Variants in TMPRSS11F observed in about 807,000 individuals in gnomAD.
TMPRSS11F encodes the protein transmembrane serine protease 11F, also known as transmembrane protease serine 11F.
A neutral mutation model predicts 60.2 loss-of-function variants in TMPRSS11F; 47 were observed. The ratio of observed to expected loss-of-function variants is 0.78; its 90% confidence interval spans 0.62 to 1.00. The LOEUF is 1.00. TMPRSS11F is among the 50% of genes least tolerant of loss of function. TMPRSS11F has a pLI of 0.00. For missense variants in TMPRSS11F, 519 were observed against 522.9 expected, an observed-to-expected ratio of 0.99 and a Z score of 0.07; for synonymous variants, 166 against 167.3, an observed-to-expected ratio of 0.99 and a Z score of 0.06.
intron 7 of TMPRSS11F, among the ~76,000 whole-genome samples, chr4:68,066,759 C>G (rs565064063): frequency 1.3e-5 from 2 of 152,076 alleles, no homozygotes; most frequent in East Asian, 3.9e-4. Flanking sequence ...CACGGTGAAA[C>G]CCTGTCACTA....
intron 8 of TMPRSS11F, chr4:68,062,983 A>G (rs1560392618): frequency 2.8e-6 from 2 of 704,292 alleles, no homozygotes; most frequent in Non-Finnish European, 5.4e-6. Context: ...CGAGAGACTG[A>G]CATGCGGATG....
At chr4:68,092,273 G>A (rs7663300) in intron 2 of TMPRSS11F, among the ~76,000 whole-genome samples, 63,955 of 151,806 alleles carry the variant, frequency 0.42, 14,262 homozygotes, top group Non-Finnish European at 0.52. Flanking sequence ...ACAAGAGGAT[G>A]AAAATCTGTA....
chr4:68,079,894 T>C (rs1388179636), intron 3 of TMPRSS11F, among the ~76,000 whole-genome samples: 2 of 152,206 alleles, frequency 1.3e-5, no homozygotes, highest in African/African-American at 4.8e-5. Context: ...GGTACTGTTT[T>C]TGGCAAGTCT....
At chr4:68,118,594 C>A (rs189925385) in intron 1 of TMPRSS11F, among the ~76,000 whole-genome samples, 2 of 152,246 alleles carry the variant, frequency 1.3e-5, no homozygotes, top group Non-Finnish European at 2.9e-5. Context: ...GTAAGTAATT[C>A]TGAGATTTCT....
intron 8 of TMPRSS11F, among the ~76,000 whole-genome samples, chr4:68,061,656 TA>T (rs767971363): frequency 6.5e-4 from 99 of 151,666 alleles, no homozygotes; most frequent in African/African-American, 2.1e-3. Flanking sequence ...TTTCAGTTTG[TA>T]AAAAAAAATG....
chr4:68,114,450 A>C (rs1577935097), intron 1 of TMPRSS11F, among the ~76,000 whole-genome samples: 1 of 152,124 alleles, frequency 6.6e-6, no homozygotes, highest in East Asian at 1.9e-4. Context: ...TATGCCAATA[A>C]ATTTGCTCAT....
At position 68,059,156 on chromosome 4, in the gene TMPRSS11F, G is replaced by A. The variant is rs542184384; in HGVS notation, c.1158+170C>T. On this transcript the variant is annotated intron_variant, in intron 9 of 9. Transcript: ENST00000356291. ...AAAAGTGCTTAATTTTTGGCTTAGC[G>A]TATATTAAACACTCAATACAATTAT... is the stretch of plus-strand genomic sequence containing the variant. Among the ~76,000 whole-genome samples, 12 of 151,434 alleles carry A rather than the reference G, an allele frequency of 7.9e-5. No individual in the cohort carries two copies. In the South Asian group the frequency reaches 1.9e-3, roughly 24 times the overall value.
At chr4:68,062,991 A>C in intron 8 of TMPRSS11F, 1 of 693,758 alleles carries the variant, frequency 1.4e-6, no homozygotes, top group South Asian at 1.4e-5. Context: ...TGACATGCGG[A>C]TGTACTTTCA....
intron 1 of TMPRSS11F, among the ~76,000 whole-genome samples, chr4:68,117,239 G>C (rs371166462): frequency 3.6e-4 from 54 of 152,068 alleles, no homozygotes; most frequent in African/African-American, 1.3e-3. Context: ...AGGCCGAGGG[G>C]GGCGGATCAC....
intron 3 of TMPRSS11F, among the ~76,000 whole-genome samples, chr4:68,082,188 G>A (rs1723709099): frequency 6.6e-6 from 1 of 152,150 alleles, no homozygotes; most frequent in South Asian, 2.1e-4. Context: ...CTAGGGAAGG[G>A]GTGAATGAAG....
intron 3 of TMPRSS11F, among the ~76,000 whole-genome samples, chr4:68,076,117 T>G (rs867822633): frequency 6.6e-6 from 1 of 152,340 alleles, no homozygotes; most frequent in South Asian, 2.1e-4. Flanking sequence ...CCTTTCTTGA[T>G]TTCCATTAAA....
At chr4:68,090,772 A>C in intron 2 of TMPRSS11F, 131 bp from the exon 3 acceptor site, 1 of 1,421,388 alleles carries the variant, frequency 7.0e-7, no homozygotes, top group Non-Finnish European at 9.3e-7. Flanking sequence ...AAATTCTTGA[A>C]GACACTTCTC....
intron 3 of TMPRSS11F, among the ~76,000 whole-genome samples, chr4:68,076,885 T>C (rs1313564754): frequency 6.6e-6 from 1 of 152,168 alleles, no homozygotes; most frequent in Non-Finnish European, 1.5e-5. Context: ...GGTAAATACA[T>C]AGGCAACCAC....
rs774592951 is a variant in TMPRSS11F, at chr4:68,072,400, AT to A, written c.436del (p.Ile146LeufsTer9). The A allele has an allele frequency of 3.1e-6, 5 of 1,600,856 alleles. No homozygotes were observed. In the South Asian group the frequency reaches 3.4e-5, roughly 11 times the overall value. ...TDSAEQIKKK[I>X]EKALYQSLKT... ...CAAACTTTGATATAAAGCCTTTTCAATTTTTTTCTTGATTTGTTCAGCACTA... is the reference window on the plus strand; with the variant it reads ...CAAACTTTGATATAAAGCCTTTTCAATTTTTTCTTGATTTGTTCAGCACTA... On this transcript the variant is annotated frameshift_variant, in exon 5 of 10. Transcript: ENST00000356291. LOFTEE classifies it high-confidence loss of function.
intron 8 of TMPRSS11F, chr4:68,062,652 T>C (rs762176781): frequency 1.1e-4 from 89 of 778,744 alleles, no homozygotes; most frequent in Admixed American, 1.7e-5. Flanking sequence ...CCTAAATAAA[T>C]CCAGCCTATC....
At chr4:68,081,361 A>G (rs1723693520) in intron 3 of TMPRSS11F, among the ~76,000 whole-genome samples, 1 of 152,244 alleles carries the variant, frequency 6.6e-6, no homozygotes, top group African/African-American at 2.4e-5. Context: ...TCCAAAGTGA[A>G]GTCAATGTAT....
chr4:68,129,770 C>T (rs1201952078), intron 1 of TMPRSS11F, 40 bp downstream of exon 1: 1 of 1,605,234 alleles, frequency 6.2e-7, no homozygotes, highest in Admixed American at 1.7e-5. Flanking sequence ...AAACCTCTGT[C>T]CCCACTGATA....
intron 8 of TMPRSS11F, among the ~76,000 whole-genome samples, chr4:68,064,402 G>T (rs1386641589): frequency 2.6e-5 from 4 of 152,016 alleles, no homozygotes; most frequent in Non-Finnish European, 5.9e-5. Flanking sequence ...GGCCAGGTGT[G>T]TCTTGAACTC....
intron 1 of TMPRSS11F, among the ~76,000 whole-genome samples, chr4:68,108,922 T>C (rs1038733080): frequency 6.6e-6 from 1 of 152,192 alleles, no homozygotes; most frequent in Admixed American, 6.5e-5. Flanking sequence ...AATTTACAGT[T>C]AACTTACAAT....
Sources: gnomAD v4.1 joint callset for allele counts (sites outside exome capture counted in the v4.1 genomes callset) on GRCh38, gnomAD v4.1.1 for gene constraint, MANE v1.5 for transcripts, NCBI Gene and HGNC (gene_info 2026-07-23, HGNC 2026-07-21) for gene names.